CCDC18: variants seen among roughly 807,000 people sequenced by gnomAD.
The protein encoded by CCDC18 is coiled-coil domain containing 18.
A neutral mutation model predicts 196.0 loss-of-function variants in CCDC18; 157 were observed. The ratio of observed to expected loss-of-function variants is 0.80; its 90% CI spans 0.70 to 0.91. The LOEUF is 0.91. CCDC18 is among the 40% of genes least tolerant of loss of function. The pLI is 0.00. For missense variants in CCDC18, 1,465 were observed against 1,611.6 expected (o/e 0.91, Z 1.56); for synonymous variants, 482 against 529.2 (o/e 0.91, Z 1.22).
chr1:93,218,907 C>T (rs1656955073), intron 14 of CCDC18, among the ~76,000 whole-genome samples: 1 of 152,180 alleles, frequency 6.6e-6, no homozygotes, highest in African/African-American at 2.4e-5. Context: ...GGTATCTTTT[C>T]TCCTTAGCTT....
At chr1:93,221,971 C>CTTTTTT in intron 16 of CCDC18, 35 bp downstream of exon 16, 2 of 1,144,352 alleles carry the variant, frequency 1.7e-6, no homozygotes, top group Non-Finnish European at 2.4e-6. Context: ...TCTTTCTTTC[C>CTTTTTT]TTTTTTTTTT....
At chr1:93,234,416 TC>T (rs1204034534) in intron 18 of CCDC18, among the ~76,000 whole-genome samples, 2 of 152,258 alleles carry the variant, frequency 1.3e-5, no homozygotes, top group South Asian at 4.1e-4. Context: ...CACCTCAGCC[TC>T]CCAAAGTGCT....
chr1:93,239,511 T>C (rs1660485819), intron 20 of CCDC18, 38 bp downstream of exon 20: 1 of 1,567,928 alleles, frequency 6.4e-7, no homozygotes, highest in Non-Finnish European at 8.6e-7. Flanking sequence ...TGCCTATGTA[T>C]TTGTACTTAA....
At chr1:93,225,517 C>G (rs1352181091) in intron 16 of CCDC18, among the ~76,000 whole-genome samples, 1 of 152,200 alleles carries the variant, frequency 6.6e-6, no homozygotes, top group Admixed American at 6.5e-5. Context: ...TGGCTCACAC[C>G]TGTAATCCCA....
upstream of CCDC18, chr1:93,179,934 T>A: frequency 1.8e-6 from 2 of 1,142,080 alleles, no homozygotes; most frequent in Non-Finnish European, 1.2e-6. Flanking sequence ...GCTGGCTTCC[T>A]GAACGGCCCT....
intron 28 of CCDC18, among the ~76,000 whole-genome samples, chr1:93,277,906 A>G (rs1347085622): frequency 6.6e-6 from 1 of 151,860 alleles, no homozygotes; most frequent in Non-Finnish European, 1.5e-5. Context: ...CCTTTTTTCG[A>G]GTTTTAAAAT....
At chr1:93,195,657 C>A (rs992051981) in intron 6 of CCDC18, among the ~76,000 whole-genome samples, 1 of 152,030 alleles carries the variant, frequency 6.6e-6, no homozygotes, top group Non-Finnish European at 1.5e-5. Context: ...GGAGTTTGTT[C>A]CTTTTTTCCT....
upstream of CCDC18, chr1:93,179,953 C>T: frequency 7.6e-7 from 1 of 1,310,666 alleles, no homozygotes; most frequent in Non-Finnish European, 1.0e-6. Context: ...CTCGCCTCTT[C>T]ACCACCAGGG....
chr1:93,243,784 C>T (rs1235738956), intron 21 of CCDC18, among the ~76,000 whole-genome samples: 1 of 152,196 alleles, frequency 6.6e-6, no homozygotes, highest in Non-Finnish European at 1.5e-5. Flanking sequence ...CAGTTCCCAA[C>T]AAGTTCCTCA....
intron 28 of CCDC18, among the ~76,000 whole-genome samples, chr1:93,276,390 C>T (rs1156308810): frequency 6.6e-6 from 1 of 152,164 alleles, no homozygotes; most frequent in African/African-American, 2.4e-5. Context: ...TTCATATTAA[C>T]TCCTATTCTA....
chr1:93,254,404 GA>G, intron 23 of CCDC18, 66 bp from the exon 24 acceptor site: 4 of 1,205,740 alleles, frequency 3.3e-6, no homozygotes, highest in Middle Eastern at 5.8e-4. Context: ...GACTTACTTG[GA>G]ACACAGCATT....
chr1:93,200,712 T>A (rs1317464953), intron 6 of CCDC18, among the ~76,000 whole-genome samples: 1 of 152,212 alleles, frequency 6.6e-6, no homozygotes, highest in African/African-American at 2.4e-5. Flanking sequence ...TGAAGATTCA[T>A]TAAAACGTGA....
chr1:93,189,965 G>A (rs11164879), intron 4 of CCDC18, among the ~76,000 whole-genome samples: 80,102 of 152,000 alleles, frequency 0.53, 24,288 homozygotes, highest in South Asian at 0.68. Flanking sequence ...CTGGCCCTGT[G>A]ATTTTTATTT....
At chr1:93,202,104 T>C in intron 7 of CCDC18, 116 bp downstream of exon 7, 1 of 532,048 alleles carries the variant, frequency 1.9e-6, no homozygotes, top group Non-Finnish European at 3.2e-6. Context: ...TTTATGATCT[T>C]ACAAAATCAT....
intron 21 of CCDC18, among the ~76,000 whole-genome samples, chr1:93,242,566 T>G (rs566573557): frequency 6.6e-6 from 1 of 152,280 alleles, no homozygotes; most frequent in Admixed American, 6.5e-5. Flanking sequence ...CAAAACAAAT[T>G]ATGCCTTCCC....
At chr1:93,248,827 G>T (rs1272903702) in intron 23 of CCDC18, among the ~76,000 whole-genome samples, 1 of 152,022 alleles carries the variant, frequency 6.6e-6, no homozygotes, top group Non-Finnish European at 1.5e-5. Context: ...AGAAAAATTA[G>T]CCAGGTGTAG....
Position 93,226,376 on chromosome 1 carries a change from T to C in CCDC18, c.2219T>C (p.Leu740Pro). 1 of 1,598,618 alleles carries C rather than the reference T, an allele frequency of 6.3e-7. No homozygotes were observed. The highest frequency in any genetic ancestry group is 8.5e-7 in the Non-Finnish European group (1 of 1,171,416). ...DSALEICKEE[L>P]VLHLNQLEGN... ...GCATTGGAAATTTGTAAGGAAGAAC[T>C]TGTCTTGCATTTGAATCAATTGGAA... Residue 740 changes from leucine (L) to proline (P), a missense_variant, in exon 17 of 29, where the codon CTT (leucine) becomes CCT (proline). Physicochemically the swap from Leu to Pro is moderately conservative, Grantham distance 98. Coordinates refer to ENST00000690025, the MANE Select transcript of CCDC18 (RefSeq NM_001378204.1).
rs1326376780 is a variant in CCDC18, at chr1:93,239,773, AT to A, written c.2859del (p.Asn953LysfsTer6). The A allele has an allele frequency of 6.2e-7, 1 of 1,613,616 alleles. No homozygotes were observed. Among genetic ancestry groups the A allele is most frequent in the African/African-American group, 1.3e-5 (1 of 75,042 alleles). On this transcript the variant is annotated frameshift_variant, in exon 21 of 29. Transcript: ENST00000690025. LOFTEE classifies it high-confidence loss of function. The part of the protein sequence containing the change: ...KREVLETELQ[N>X]AHGELKSTLR... The stretch of plus-strand genomic sequence containing the variant: ...GAAGTACTTGAGACTGAACTACAAA[AT>A]GCTCATGGAGAATTAAAAAGTACTT...
Position 93,275,469 on chromosome 1 carries a change from G to A in CCDC18, c.4354-2994G>A, listed in dbSNP as rs1210450753. Among the ~76,000 whole-genome samples the A allele has an allele frequency of 2.6e-5, 4 of 152,134 alleles. 1 individual carries two copies. The highest frequency in any genetic ancestry group is 6.5e-5 in the Admixed American group (1 of 15,270). On this transcript the variant is annotated intron_variant, in intron 28 of 28. Coordinates refer to ENST00000690025, the MANE Select transcript of CCDC18 (RefSeq NM_001378204.1). ...GATCTGTAGCCTAGTTCAGGTCCTC[G>A]GCTTATTTCACCTGCCACTTAAGTA... is the stretch of plus-strand genomic sequence containing the variant.
Sources: allele counts gnomAD v4.1 joint callset (sites outside exome capture counted in the v4.1 genomes callset), GRCh38; gene constraint gnomAD v4.1.1; transcripts MANE v1.5; gene names NCBI Gene and HGNC (gene_info 2026-07-23, HGNC 2026-07-21).